Variants in ADGRG6 observed in about 807,000 individuals in gnomAD.
ADGRG6 encodes the protein G-protein coupled receptor 126.
Under a neutral mutation model 142.4 loss-of-function variants are expected in ADGRG6, and 84 were observed. The ratio of observed to expected loss-of-function variants is 0.59; its 90% CI spans 0.49 to 0.71. The LOEUF is 0.71. Ranked by LOEUF, ADGRG6 falls within the 30% of genes least tolerant of loss-of-function variation. ADGRG6 has a pLI of 0.00. For missense variants in ADGRG6, 1,367 were observed against 1,466.6 expected (o/e 0.93, Z 1.11); for synonymous variants, 521 against 520.5 (o/e 1.00, Z -0.01).
intron 21 of ADGRG6, among the ~76,000 whole-genome samples, chr6:142,418,156 A>C (rs775261974): frequency 5.3e-5 from 8 of 151,902 alleles, no homozygotes; most frequent in Non-Finnish European, 7.4e-5. Context: ...TTAGCTGGGC[A>C]TGGTGGTGCA....
At chr6:142,341,631 ATAT>A (rs1157618969) in intron 2 of ADGRG6, among the ~76,000 whole-genome samples, 4 of 130,274 alleles carry the variant, frequency 3.1e-5, no homozygotes, top group African/African-American at 1.2e-4. Flanking sequence ...TATATATAAT[ATAT>A]AATATATATA....
chr6:142,374,011 TATAA>T (rs1781380862), intron 4 of ADGRG6, among the ~76,000 whole-genome samples: 1 of 151,854 alleles, frequency 6.6e-6, no homozygotes, highest in South Asian at 2.1e-4. Context: ...CCCTTGTTCT[TATAA>T]ATAAAGTTTA....
Position 142,400,558 on chromosome 6 carries a change from T to C in ADGRG6, c.1641T>C (p.Pro547=). The change falls in exon 11 of 25, where the codon CCT becomes CCC. Residue 547 remains proline, a synonymous_variant. Coordinates refer to ENST00000367609, the MANE Select transcript of ADGRG6 (RefSeq NM_198569.3). ...PSIQPSEYVL[P]CPDKPGFSAS... is the part of the protein sequence containing the mutation. ...TCCAACCTTCTGAATACGTTCTTCC[T>C]TGTCCAGACAAGCCTGGCTTTTCTG... 1 of 1,605,930 alleles carries C rather than the reference T, an allele frequency of 6.2e-7. No homozygotes were observed. The highest frequency in any genetic ancestry group is 1.1e-5 in the South Asian group (1 of 90,774).
At chr6:142,315,860 TAA>T (rs1778031969) in intron 2 of ADGRG6, among the ~76,000 whole-genome samples, 2 of 144,078 alleles carry the variant, frequency 1.4e-5, no homozygotes, top group Non-Finnish European at 3.0e-5. Context: ...AATAAATAAA[TAA>T]ATAAATAAAG....
At chr6:142,331,472 G>T (rs1025523858) in intron 2 of ADGRG6, among the ~76,000 whole-genome samples, 4 of 152,068 alleles carry the variant, frequency 2.6e-5, no homozygotes, top group Admixed American at 2.6e-4. Flanking sequence ...TAATCATCAT[G>T]CTGTATGACG....
intron 22 of ADGRG6, among the ~76,000 whole-genome samples, chr6:142,436,724 T>G (rs73582555): frequency 0.016 from 2,399 of 152,030 alleles, 50 homozygotes; most frequent in African/African-American, 0.051. Flanking sequence ...CAAGGAGAGG[T>G]TTAAAATGCG....
chr6:142,315,117 G>A (rs1379457114), intron 2 of ADGRG6, among the ~76,000 whole-genome samples: 2 of 152,074 alleles, frequency 1.3e-5, no homozygotes, highest in Non-Finnish European at 2.9e-5. Context: ...AGACCTAGAG[G>A]TTGGGCGGGT....
Position 142,360,490 on chromosome 6 carries a change from C to T in ADGRG6, c.104-7079C>T, listed in dbSNP as rs141986432. Among the ~76,000 whole-genome samples, 49 of 152,124 alleles carry T rather than the reference C, an allele frequency of 3.2e-4. No individual in the cohort carries two copies. The East Asian group carries it at 8.9e-3, about 28-fold the overall frequency. On this transcript the variant is annotated intron_variant, in intron 2 of 24. Transcript: ENST00000367609. ...AAAACCAAGTAAAGTAGTAGAGCAGCAGGTATAATAAGAATTATTGTCATA... is the reference window on the plus strand; with the variant it reads ...AAAACCAAGTAAAGTAGTAGAGCAGTAGGTATAATAAGAATTATTGTCATA...
intron 2 of ADGRG6, among the ~76,000 whole-genome samples, chr6:142,367,152 GC>G (rs1562341383): frequency 2.0e-5 from 3 of 151,846 alleles, no homozygotes; most frequent in Admixed American, 2.0e-4. Flanking sequence ...TATAACCCCC[GC>G]CACCCCAGTT....
In ADGRG6 at chr6:142,415,037, T is replaced by C. The variant is rs768796293; in HGVS notation, c.2610T>C (p.Ile870=). ...NTKVLTFISY[I]GCGISAIFSA... ...AAGTCCTCACTTTCATCAGCTATAT[T>C]GGGTGTGGAATATCTGCTATTTTTT... The change falls in exon 19 of 25, where the codon ATT becomes ATC. Residue 870 remains isoleucine, a synonymous_variant. Transcript: ENST00000367609. The C allele has an allele frequency of 2.5e-6, 4 of 1,611,348 alleles. No individual in the cohort carries two copies. Among genetic ancestry groups the C allele is most frequent in the Non-Finnish European group, 3.4e-6 (4 of 1,178,330 alleles).
chr6:142,433,566 GATTCTGAGTATAGAAGAAAATCTTTCCTT>G (rs1777321005), intron 22 of ADGRG6, among the ~76,000 whole-genome samples: 1 of 152,146 alleles, frequency 6.6e-6, no homozygotes, highest in Admixed American at 6.5e-5. Flanking sequence ...TGCTCTGAGG[GATTCTGAGTATAGAAGAAAATCTTTCCTT>G]ACTCTGAGAT....
intron 22 of ADGRG6, among the ~76,000 whole-genome samples, chr6:142,423,780 T>G (rs1776790676): frequency 2.1e-5 from 3 of 139,622 alleles, no homozygotes; most frequent in African/African-American, 8.2e-5. Context: ...ATTTTCACGA[T>G]ATTGATTCTT....
intron 4 of ADGRG6, among the ~76,000 whole-genome samples, chr6:142,379,083 A>G (rs1360418639): frequency 6.6e-6 from 1 of 152,168 alleles, no homozygotes; most frequent in African/African-American, 2.4e-5. Context: ...TTTTGCGTCT[A>G]GGTGTCACAC....
In ADGRG6 at chr6:142,355,152, A is replaced by G. The variant is rs958234847; in HGVS notation, c.104-12417A>G. On this transcript the variant is annotated intron_variant, in intron 2 of 24. Coordinates refer to ENST00000367609, the MANE Select transcript of ADGRG6 (RefSeq NM_198569.3). ...AGATACTCTTCTCTGGAGGAGCAAT[A>G]TATTTGTATCTAAAACTTTGTATTT... Among the ~76,000 whole-genome samples, 9 of 152,276 alleles carry G rather than the reference A, an allele frequency of 5.9e-5. No homozygotes were observed. The East Asian group carries it at 1.7e-3, about 29-fold the overall frequency.
intron 3 of ADGRG6, among the ~76,000 whole-genome samples, chr6:142,368,479 T>C (rs1436645146): frequency 6.6e-6 from 1 of 152,122 alleles, no homozygotes; most frequent in African/African-American, 2.4e-5. Context: ...AAATAATCTT[T>C]CTCTCTAAAA....
chr6:142,444,846 T>G lies in ADGRG6; in HGVS notation c.*1331T>G, dbSNP rs1177998116. On this transcript the variant is annotated 3_prime_UTR_variant, in exon 25 of 25. Transcript: ENST00000367609. ...TTTCTTAGAAATCGGTCTCAGTGCATGCTGTGCTTTTTCACATTTGCTCTG... is the reference window on the plus strand; with the variant it reads ...TTTCTTAGAAATCGGTCTCAGTGCAGGCTGTGCTTTTTCACATTTGCTCTG... The G allele has an allele frequency of 1.3e-5, 2 of 152,248 alleles. No homozygotes were observed. Among genetic ancestry groups the G allele is most frequent in the African/African-American group, 4.8e-5 (2 of 41,476 alleles). The allele number at this position is 152,248 out of a possible 1,614,324, so 9.4% of individuals were successfully genotyped here.
At chr6:142,379,141 C>T (rs957174133) in intron 4 of ADGRG6, among the ~76,000 whole-genome samples, 11 of 152,220 alleles carry the variant, frequency 7.2e-5, no homozygotes, top group Non-Finnish European at 1.5e-5. Flanking sequence ...CCTACCCCAC[C>T]TAAGTCTGCT....
At chr6:142,359,521 C>T (rs1780617938) in intron 2 of ADGRG6, among the ~76,000 whole-genome samples, 1 of 152,172 alleles carries the variant, frequency 6.6e-6, no homozygotes, top group Non-Finnish European at 1.5e-5. Context: ...ACTTGGCTCA[C>T]TCCCAAACTG....
At chr6:142,389,428 T>A (rs1189308400) in intron 6 of ADGRG6, among the ~76,000 whole-genome samples, 1 of 151,900 alleles carries the variant, frequency 6.6e-6, no homozygotes, top group Non-Finnish European at 1.5e-5. Context: ...TATCTTACCA[T>A]AATTTAAAAG....
Sources: gnomAD v4.1 joint callset for allele counts (sites outside exome capture counted in the v4.1 genomes callset) on GRCh38, gnomAD v4.1.1 for gene constraint, MANE v1.5 for transcripts, NCBI Gene and HGNC (gene_info 2026-07-23, HGNC 2026-07-21) for gene names.